The following ZBTB20 variants were observed in gnomAD, a reference collection of about 807,000 sequenced individuals.
ZBTB20 encodes zinc finger and BTB domain containing 20.
In ZBTB20, 9 loss-of-function variants were observed where a neutral mutation model predicts 56.9. The ratio of observed to expected loss-of-function variants is 0.16; its 90% CI spans 0.10 to 0.28. The LOEUF (loss-of-function observed/expected upper bound fraction) is 0.28. ZBTB20 is among the 10% of genes least tolerant of loss of function. ZBTB20 has a pLI of 1.00. For synonymous variants in ZBTB20, 417 were observed against 420.7 expected (o/e 0.99, Z 0.11); for missense variants, 655 against 1,003.0 (o/e 0.65, Z 4.69).
chr3:114,859,111 C>T (rs984616639), intron 4 of ZBTB20, among the ~76,000 whole-genome samples: 10 of 148,880 alleles, frequency 6.7e-5, no homozygotes, highest in South Asian at 6.5e-4. Flanking sequence ...CAGAAAATGC[C>T]TGAAAAATTT....
At chr3:114,725,314 A>G (rs1338588123) in intron 5 of ZBTB20, among the ~76,000 whole-genome samples, 1 of 152,174 alleles carries the variant, frequency 6.6e-6, no homozygotes, top group Non-Finnish European at 1.5e-5. Context: ...CATTATCTTC[A>G]TCTCTTTTCA....
At chr3:115,098,635 G>C (rs1242068111) in intron 1 of ZBTB20, among the ~76,000 whole-genome samples, 1 of 152,092 alleles carries the variant, frequency 6.6e-6, no homozygotes, top group Non-Finnish European at 1.5e-5. Context: ...GAAAGTCTCA[G>C]AATTAATTTT....
At chr3:114,791,339 T>C (rs2070942680) in intron 5 of ZBTB20, among the ~76,000 whole-genome samples, 1 of 152,166 alleles carries the variant, frequency 6.6e-6, no homozygotes, top group African/African-American at 2.4e-5. Flanking sequence ...TATTTAAAAA[T>C]GAGAGCTTTC....
chr3:114,339,998 G>A lies in ZBTB20; in HGVS notation c.1805-572C>T, dbSNP rs1011611936. On this transcript the variant is annotated intron_variant, in intron 11 of 11. Coordinates refer to ENST00000675478, the MANE Select transcript of ZBTB20 (RefSeq NM_001348800.3). The surrounding 1 kb of genome is among the most constrained non-coding windows in gnomAD (Gnocchi z 4.2). ...AAAATATTTGCCAACACAGGAATAC[G>A]TTATTTTGAAGAGCTATACTTTCAA... 6.6e-6 allele frequency among the ~76,000 whole-genome samples: 1 copy of A among 152,240 alleles called. No individual in the cohort carries two copies. Among genetic ancestry groups the A allele is most frequent in the African/African-American group, 2.4e-5 (1 of 41,526 alleles).
chr3:114,681,155 A>G (rs894837184), intron 6 of ZBTB20, among the ~76,000 whole-genome samples: 1 of 132,934 alleles, frequency 7.5e-6, no homozygotes, highest in African/African-American at 2.6e-5. Context: ...AACTGAGCGT[A>G]TAATTTTTTT....
intron 2 of ZBTB20, among the ~76,000 whole-genome samples, chr3:115,070,918 A>G (rs1034167024): frequency 1.3e-5 from 2 of 152,052 alleles, no homozygotes; most frequent in African/African-American, 4.8e-5. Flanking sequence ...TTTAAAGTTC[A>G]GGTTCGGGCA....
At chr3:114,767,739 C>T (rs1205715536) in intron 5 of ZBTB20, among the ~76,000 whole-genome samples, 4 of 152,024 alleles carry the variant, frequency 2.6e-5, no homozygotes, top group African/African-American at 7.2e-5. Flanking sequence ...TGCTTCCCAC[C>T]CCAATCCAAA....
intron 1 of ZBTB20, among the ~76,000 whole-genome samples, chr3:115,105,305 T>C (rs998971220): frequency 8.5e-5 from 13 of 152,196 alleles, no homozygotes; most frequent in African/African-American, 3.1e-4. Flanking sequence ...GTAGGAATTA[T>C]TTTTAGTCTC....
intron 6 of ZBTB20, among the ~76,000 whole-genome samples, chr3:114,605,311 A>AGGGTG (rs1481552745): frequency 1.3e-5 from 2 of 152,188 alleles, no homozygotes. Flanking sequence ...AGCCACAGAC[A>AGGGTG]AGAGCAGGGG....
intron 5 of ZBTB20, among the ~76,000 whole-genome samples, chr3:114,794,299 A>G (rs1401871591): frequency 6.6e-6 from 1 of 152,036 alleles, no homozygotes; most frequent in African/African-American, 2.4e-5. Context: ...TTTATTAATT[A>G]AGGTTTGTAC....
At chr3:115,114,167 T>C (rs1009171049) in intron 1 of ZBTB20, among the ~76,000 whole-genome samples, 7 of 152,184 alleles carry the variant, frequency 4.6e-5, no homozygotes, top group Admixed American at 1.3e-4. Flanking sequence ...TTGATGCTCT[T>C]ACTGAAAAAC....
chr3:114,546,998 G>A (rs1346607341), intron 6 of ZBTB20, among the ~76,000 whole-genome samples: 2 of 152,172 alleles, frequency 1.3e-5, no homozygotes, highest in African/African-American at 4.8e-5. Context: ...GCAGTAAAGA[G>A]TAGGGGGTAA....
rs528750746 is a variant in ZBTB20 at position 114,610,428 on chromosome 3, T to C, written c.-295+83100A>G. On this transcript the variant is annotated intron_variant, in intron 6 of 11. Coordinates refer to ENST00000675478, the MANE Select transcript of ZBTB20 (RefSeq NM_001348800.3). ...ATAGGTCTCCTATTCACACAGTCCT[T>C]GTTTAATTTTCCAAACACCCTTTCT... 3.9e-5 allele frequency among the ~76,000 whole-genome samples: 6 copies of C among 152,304 alleles called. No individual in the cohort carries two copies. In the South Asian group the frequency reaches 1.2e-3, roughly 32 times the overall value.
chr3:114,732,357 A>G (rs1248125806), intron 5 of ZBTB20, among the ~76,000 whole-genome samples: 1 of 152,144 alleles, frequency 6.6e-6, no homozygotes, highest in Non-Finnish European at 1.5e-5. Flanking sequence ...CTTCCAAGGA[A>G]AGAGTCACTC....
intron 1 of ZBTB20, among the ~76,000 whole-genome samples, chr3:115,139,227 T>C (rs1000780885): frequency 6.6e-6 from 1 of 152,050 alleles, no homozygotes; most frequent in East Asian, 1.9e-4. Flanking sequence ...CAGGATAGTA[T>C]AGCTTCCTGC....
At chr3:114,494,628 G>T (rs927969085) in intron 7 of ZBTB20, among the ~76,000 whole-genome samples, 1 of 152,208 alleles carries the variant, frequency 6.6e-6, no homozygotes, top group Admixed American at 6.5e-5. Flanking sequence ...AAGCACAGGA[G>T]TTTAACCTCT....
intron 7 of ZBTB20, among the ~76,000 whole-genome samples, chr3:114,418,358 A>G: frequency 6.6e-6 from 1 of 152,002 alleles, no homozygotes; most frequent in South Asian, 2.1e-4. Flanking sequence ...TTGACCTGGG[A>G]GAGTTTCTTC....
At chr3:114,724,912 T>A (rs1578542991) in intron 5 of ZBTB20, among the ~76,000 whole-genome samples, 1 of 152,228 alleles carries the variant, frequency 6.6e-6, no homozygotes, top group East Asian at 1.9e-4. Flanking sequence ...ATAAATTTTA[T>A]AAAATACAAT....
intron 7 of ZBTB20, among the ~76,000 whole-genome samples, chr3:114,443,838 G>A (rs150184262): frequency 1.6e-4 from 24 of 152,270 alleles, no homozygotes; most frequent in African/African-American, 3.6e-4. Context: ...GGCAGATATC[G>A]TTTTTCTCTT....
Sources: gnomAD v4.1 joint callset for allele counts (sites outside exome capture counted in the v4.1 genomes callset) on GRCh38, gnomAD v4.1.1 for gene constraint, Gnocchi (gnomAD v3.1) non-coding constraint, MANE v1.5 for transcripts, NCBI Gene and HGNC (gene_info 2026-07-23, HGNC 2026-07-21) for gene names.